DAB1: variants seen among roughly 807,000 people sequenced by gnomAD.
DAB1 encodes DAB adaptor protein 1, also known as disabled homolog 1.
A neutral mutation model predicts 64.6 loss-of-function variants in DAB1; 15 were observed. That is an observed-to-expected ratio of 0.23 (90% CI 0.16 to 0.36). The LOEUF (loss-of-function observed/expected upper bound fraction) is 0.36, where lower values mean the gene tolerates loss of function less well. Among genes scored for constraint, DAB1 ranks in the 10% least tolerant of loss-of-function variants. The probability of loss-of-function intolerance (pLI) is 1.00; values close to 1 mark genes in which losing one functional copy is unlikely to be tolerated. For missense variants in DAB1, 596 were observed against 706.7 expected, an observed-to-expected ratio of 0.84 and a Z score of 1.78; for synonymous variants, 235 against 251.9, an observed-to-expected ratio of 0.93 and a Z score of 0.64.
At chr1:58,384,646 G>A (rs1644418347) in intron 3 of DAB1, among the ~76,000 whole-genome samples, 1 of 152,168 alleles carries the variant, frequency 6.6e-6, no homozygotes, top group South Asian at 2.1e-4. Flanking sequence ...TGAGGAGCAA[G>A]GACACCAGTC....
At chr1:57,825,377 A>T (rs1288325320), downstream of DAB1, among the ~76,000 whole-genome samples, 1 of 152,242 alleles carries the variant, frequency 6.6e-6, no homozygotes, top group Non-Finnish European at 1.5e-5. Flanking sequence ...AGTAGAGAAC[A>T]AGTAAGTGAG....
At chr1:57,988,684 T>C (rs1487894266) in intron 5 of DAB1, among the ~76,000 whole-genome samples, 1 of 151,980 alleles carries the variant, frequency 6.6e-6, no homozygotes, top group Non-Finnish European at 1.5e-5. Flanking sequence ...AAAGGTTCCC[T>C]GGTAGAAAAT....
chr1:57,479,762 C>A (rs1465262938), intron 7 of DAB1, among the ~76,000 whole-genome samples: 1 of 152,114 alleles, frequency 6.6e-6, no homozygotes, highest in African/African-American at 2.4e-5. Context: ...TATCTCTCTG[C>A]AGCTTCTCCA....
At chr1:57,554,061 G>A (rs12733015) in intron 7 of DAB1, among the ~76,000 whole-genome samples, 32,142 of 152,026 alleles carry the variant, frequency 0.21, 3,597 homozygotes, top group Non-Finnish European at 0.24. Flanking sequence ...GGAAATAACC[G>A]GTAGAGAAGG....
chr1:57,609,368 G>A (rs1379734675), intron 7 of DAB1, among the ~76,000 whole-genome samples: 1 of 152,166 alleles, frequency 6.6e-6, no homozygotes, highest in African/African-American at 2.4e-5. Context: ...GGTATTATAA[G>A]TAATCTAGAG....
chr1:57,998,466 T>C (rs1357097849), intron 5 of DAB1, among the ~76,000 whole-genome samples: 4 of 150,108 alleles, frequency 2.7e-5, no homozygotes, highest in Admixed American at 6.7e-5. Context: ...TGGGTTCAAG[T>C]GATTCTCCTG....
At chr1:57,017,310 G>A (rs911110955) in intron 11 of DAB1, among the ~76,000 whole-genome samples, 2 of 152,190 alleles carry the variant, frequency 1.3e-5, no homozygotes, top group South Asian at 2.1e-4. Context: ...GGAATGTACC[G>A]AGGCAGTGTA....
rs1646931554 is a variant in DAB1, at chr1:58,028,778, A to C, written n.387+121733T>G. ...ATTTGCAAATGTGGAATCTGCAAAT[A>C]ATAAGAATCAACTGTACTATTCTCT... On this transcript the variant is annotated intron_variant and non_coding_transcript_variant, in intron 5 of 20. Coordinates refer to the DAB1 transcript ENST00000485760. Among the ~76,000 whole-genome samples the C allele has an allele frequency of 3.3e-5, 5 of 152,360 alleles. No homozygotes were observed. In the South Asian group the frequency reaches 1.0e-3, roughly 32 times the overall value.
At position 57,072,304 on chromosome 1, in the gene DAB1, C is replaced by G; in HGVS notation, c.417G>C (p.Val139=). The change falls in exon 5 of 15, where the codon GTG becomes GTC. Residue 139 remains valine, a synonymous_variant. Transcript: ENST00000371236. ...VCGKEGNHRF[V]AIKTAQAAEP... is the part of the protein sequence containing the mutation. ...TCACCGCCTGGGCTGTTTTTATGGC[C>G]ACAAATCTGTGATTCCCTTCCTTCC... 1 of 1,613,722 alleles carries G rather than the reference C, an allele frequency of 6.2e-7. No individual in the cohort carries two copies.
At chr1:58,228,159 G>A (rs77868568) in intron 4 of DAB1, among the ~76,000 whole-genome samples, 193 of 152,254 alleles carry the variant, frequency 1.3e-3, no homozygotes, top group African/African-American at 4.4e-3. Flanking sequence ...CAGTATAGTC[G>A]GTTCAAGGCA....
chr1:57,052,917 T>C (rs1197385920), intron 9 of DAB1, among the ~76,000 whole-genome samples: 2 of 152,240 alleles, frequency 1.3e-5, no homozygotes, highest in Non-Finnish European at 2.9e-5. Context: ...CTCATTATAC[T>C]ACCGTGCTCT....
Position 57,295,840 on chromosome 1 carries a change from T to C in DAB1, c.-136-4674A>G, listed in dbSNP as rs182520150. 7.2e-4 allele frequency among the ~76,000 whole-genome samples: 110 copies of C among 152,008 alleles called. 1 individual carries two copies. Among genetic ancestry groups the C allele is most frequent in the African/African-American group, 2.5e-3 (104 of 41,474 alleles). The stretch of plus-strand genomic sequence containing the variant: ...TAATGTTCTACATATCTGAAGAAAA[T>C]TAAATTAATAGGGATGGTAAGGGGG... On this transcript the variant is annotated intron_variant, in intron 1 of 14. Coordinates refer to ENST00000371236, the MANE Select transcript of DAB1 (RefSeq NM_001365792.1).
intron 7 of DAB1, among the ~76,000 whole-genome samples, chr1:57,590,256 G>T (rs1645427852): frequency 6.6e-6 from 1 of 151,734 alleles, no homozygotes; most frequent in African/African-American, 2.4e-5. Context: ...TAGTCATATT[G>T]GACTATGGCC....
intron 5 of DAB1, among the ~76,000 whole-genome samples, chr1:58,051,329 C>G (rs1443893035): frequency 1.3e-5 from 2 of 151,892 alleles, no homozygotes; most frequent in Admixed American, 6.6e-5. Context: ...ATAGTTTGCT[C>G]AGAATGATGG....
chr1:57,466,204 C>T (rs1686949151), intron 7 of DAB1, among the ~76,000 whole-genome samples: 1 of 152,110 alleles, frequency 6.6e-6, no homozygotes, highest in Non-Finnish European at 1.5e-5. Context: ...CTCAACCCTC[C>T]CATATTTGTT....
chr1:58,299,324 G>A (rs956653423), intron 4 of DAB1, among the ~76,000 whole-genome samples: 2 of 152,340 alleles, frequency 1.3e-5, no homozygotes, highest in East Asian at 1.9e-4. Flanking sequence ...CCTAAGCGAG[G>A]AGGTATGATG....
In DAB1 at chr1:57,576,678, T is replaced by G. The variant is rs74074791; in HGVS notation, n.625+72914A>C. Among the ~76,000 whole-genome samples, 724 of 152,288 alleles carry G rather than the reference T, an allele frequency of 4.8e-3. 5 individuals carry two copies. The highest frequency in any genetic ancestry group is 0.017 in the African/African-American group (694 of 41,560). ...GATTTCTGTTGTTTTAAGATTCAAT[T>G]TGAGGTACTTTTAAAATAGCAGCCC... On this transcript the variant is annotated intron_variant and non_coding_transcript_variant, in intron 7 of 20. Transcript: ENST00000485760.
At chr1:57,409,478 TACTG>T (rs1421320160) in intron 1 of DAB1, among the ~76,000 whole-genome samples, 2 of 152,184 alleles carry the variant, frequency 1.3e-5, no homozygotes, top group African/African-American at 4.8e-5. Context: ...ACCCCACACA[TACTG>T]ACTGACAGAG....
At chr1:57,400,767 A>C (rs1447922730) in intron 1 of DAB1, among the ~76,000 whole-genome samples, 1 of 151,942 alleles carries the variant, frequency 6.6e-6, no homozygotes, top group African/African-American at 2.4e-5. Flanking sequence ...GCTTGTGCCC[A>C]TCTAGACACA....
Sources: gnomAD v4.1 joint callset for allele counts (sites outside exome capture counted in the v4.1 genomes callset) on GRCh38, gnomAD v4.1.1 for gene constraint, MANE v1.5 for transcripts, NCBI Gene and HGNC (gene_info 2026-07-23, HGNC 2026-07-21) for gene names.